ERBIN: variants seen among roughly 807,000 people sequenced by gnomAD.
The protein encoded by ERBIN is erbb2 interacting protein.
Under a neutral mutation model 158.4 loss-of-function variants are expected in ERBIN, and 60 were observed. The ratio of observed to expected loss-of-function variants is 0.38; its 90% confidence interval spans 0.31 to 0.47. The LOEUF is 0.47. ERBIN is among the 20% of genes least tolerant of loss of function. ERBIN has a pLI of 0.99. For missense variants in ERBIN, 1,610 were observed against 1,648.0 expected (o/e 0.98, Z 0.40); for synonymous variants, 594 against 557.2 (o/e 1.07, Z -0.93).
intron 22 of ERBIN, among the ~76,000 whole-genome samples, chr5:66,074,090 G>GTTT (rs1761769962): frequency 1.2e-5 from 1 of 80,218 alleles, no homozygotes; most frequent in Non-Finnish European, 2.4e-5. Context: ...GGGTCTTGCT[G>GTTT]TTTTGCCCAG....
At chr5:66,011,740 CAG>C (rs1321138325) in intron 4 of ERBIN, among the ~76,000 whole-genome samples, 3 of 151,754 alleles carry the variant, frequency 2.0e-5, no homozygotes, top group Admixed American at 6.6e-5. Context: ...GTGAGAGAAA[CAG>C]AAAGAATGTT....
chr5:65,992,305 C>T (rs1013598660), intron 2 of ERBIN, among the ~76,000 whole-genome samples: 7 of 152,116 alleles, frequency 4.6e-5, no homozygotes, highest in African/African-American at 1.4e-4. Context: ...GCCCACACCT[C>T]GCCCAGCTAA....
intron 21 of ERBIN, among the ~76,000 whole-genome samples, chr5:66,064,112 A>T (rs556219892): frequency 2.6e-5 from 4 of 152,244 alleles, no homozygotes; most frequent in Non-Finnish European, 4.4e-5. Context: ...TTGAAAGATA[A>T]AATGGTAATG....
At chr5:65,958,368 C>T (rs989723680) in intron 1 of ERBIN, among the ~76,000 whole-genome samples, 8 of 151,894 alleles carry the variant, frequency 5.3e-5, no homozygotes, top group Non-Finnish European at 1.2e-4. Flanking sequence ...TCTGCAATCC[C>T]GGCACCTCGG....
At chr5:65,993,148 GTTGTA>G (rs1188704840) in intron 3 of ERBIN, among the ~76,000 whole-genome samples, 5 of 152,062 alleles carry the variant, frequency 3.3e-5, no homozygotes, top group African/African-American at 4.8e-5. Context: ...TTTAATTTTA[GTTGTA>G]TTGTAGCCAT....
Position 66,018,473 on chromosome 5 carries a change from TTA to T in ERBIN, c.534-2843_534-2842del, listed in dbSNP as rs1164075493. Among the ~76,000 whole-genome samples the T allele has an allele frequency of 8.3e-3, 42 of 5,050 alleles. 9 individuals are homozygous for T. Among genetic ancestry groups the T allele is most frequent in the South Asian group, 0.015 (3 of 204 alleles). 3.3% of individuals were successfully genotyped at this position (5,050 alleles called of 152,430 possible). ...TATATATTATATTATATAATATATA[TTA>T]TATATTATATATTATATTATATAAT... On this transcript the variant is annotated intron_variant, in intron 7 of 25. Coordinates refer to ENST00000284037, the MANE Select transcript of ERBIN (RefSeq NM_001253697.2).
chr5:66,034,296 G>GTT (rs988150994), intron 14 of ERBIN, among the ~76,000 whole-genome samples: 1 of 145,742 alleles, frequency 6.9e-6, no homozygotes, highest in East Asian at 2.0e-4. Context: ...ACTCATAGCT[G>GTT]TTTTTTTTTT....
chr5:65,971,555 T>C (rs1216055829), intron 1 of ERBIN, among the ~76,000 whole-genome samples: 2 of 152,320 alleles, frequency 1.3e-5, no homozygotes, highest in South Asian at 2.1e-4. Flanking sequence ...TAGTTTCTTA[T>C]GGACACTCAA....
At chr5:65,967,855 G>A (rs189899985) in intron 1 of ERBIN, among the ~76,000 whole-genome samples, 50 of 152,248 alleles carry the variant, frequency 3.3e-4, no homozygotes, top group Middle Eastern at 3.4e-3. Flanking sequence ...AAATTCTTAC[G>A]TGGTTGCAGT....
At chr5:65,940,935 G>GGTA (rs1744925295) in intron 1 of ERBIN, among the ~76,000 whole-genome samples, 2 of 152,172 alleles carry the variant, frequency 1.3e-5, no homozygotes, top group South Asian at 4.1e-4. Flanking sequence ...TGTAGAAAGA[G>GGTA]GTAGACACGG....
chr5:65,983,763 C>G (rs985470643), intron 1 of ERBIN, among the ~76,000 whole-genome samples: 14 of 152,150 alleles, frequency 9.2e-5, no homozygotes, highest in Admixed American at 3.3e-4. Flanking sequence ...GCCATGGCCT[C>G]CAAAGCTTCT....
chr5:65,940,156 G>A (rs867801310), intron 1 of ERBIN, among the ~76,000 whole-genome samples: 5,116 of 149,444 alleles, frequency 0.034, 175 homozygotes, highest in African/African-American at 0.12. Context: ...GTCTCTGCCC[G>A]GCCGCCCATC....
At chr5:65,935,899 A>AT (rs1460610921) in intron 1 of ERBIN, among the ~76,000 whole-genome samples, 1 of 151,774 alleles carries the variant, frequency 6.6e-6, no homozygotes, top group African/African-American at 2.4e-5. Context: ...TAATTTTTCT[A>AT]TTTTTTATAG....
rs1307376621 is a variant in ERBIN at position 66,079,092 on chromosome 5, A to AT, written c.*566dup. 6.5e-6 allele frequency: 1 copy of AT among 152,734 alleles called. No individual in the cohort carries two copies. The highest frequency in any genetic ancestry group is 1.5e-5 in the Non-Finnish European group (1 of 68,136). The allele number at this position is 152,734 out of a possible 1,614,324, so 9.5% of individuals were successfully genotyped here. ...TTTCCAAGGCCAGACTAAAACAGTTATTTTCTATAAAAATCTGGAAGCAAA... is the reference window on the plus strand; with the variant it reads ...TTTCCAAGGCCAGACTAAAACAGTTATTTTTCTATAAAAATCTGGAAGCAAA... On this transcript the variant is annotated 3_prime_UTR_variant, in exon 26 of 26. Coordinates refer to ENST00000284037, the MANE Select transcript of ERBIN (RefSeq NM_001253697.2).
Position 66,046,420 on chromosome 5 carries a change from C to G in ERBIN, c.1670C>G (p.Ser557Cys), listed in dbSNP as rs62359566. The change falls in exon 18 of 26, where the codon TCT (serine) becomes TGT (cysteine). Residue 557 changes from serine (S) to cysteine (C), a missense_variant. Transcript: ENST00000284037. The part of the protein sequence containing the change: ...DEREKYMIGN[S>C]VQKISEPEAE... ...AGAGAAAAATATATGATAGGAAACTCTGTACAGAAGATCAGTGAACCTGAA... is the reference window on the plus strand; with the variant it reads ...AGAGAAAAATATATGATAGGAAACTGTGTACAGAAGATCAGTGAACCTGAA... The G allele has an allele frequency of 1.2e-6, 2 of 1,611,112 alleles. No homozygotes were observed. The highest frequency in any genetic ancestry group is 2.2e-5 in the South Asian group (2 of 90,666).
chr5:66,077,596 T>TA (rs869127687), intron 25 of ERBIN, among the ~76,000 whole-genome samples: 4 of 151,958 alleles, frequency 2.6e-5, no homozygotes, highest in Non-Finnish European at 5.9e-5. Flanking sequence ...TAAAACTAAT[T>TA]AAAAAAAATT....
chr5:65,934,363 A>C (rs1743820938), intron 1 of ERBIN, among the ~76,000 whole-genome samples: 1 of 152,216 alleles, frequency 6.6e-6, no homozygotes, highest in African/African-American at 2.4e-5. Flanking sequence ...CCAGTTTGGA[A>C]TCATGTGTTA....
At chr5:66,077,781 C>CACACACACACACAT (rs1206011630) in intron 25 of ERBIN, among the ~76,000 whole-genome samples, 1 of 129,934 alleles carries the variant, frequency 7.7e-6, no homozygotes, top group African/African-American at 3.0e-5. Flanking sequence ...CACACACACA[C>CACACACACACACAT]ACACACACAC....
chr5:66,007,546 TAA>T (rs34972803), intron 4 of ERBIN, among the ~76,000 whole-genome samples: 156 of 136,866 alleles, frequency 1.1e-3, no homozygotes, highest in Middle Eastern at 3.7e-3. Context: ...TAAAGTATAA[TAA>T]AAAAAAAAAA....
Sources: allele counts gnomAD v4.1 joint callset (sites outside exome capture counted in the v4.1 genomes callset), GRCh38; gene constraint gnomAD v4.1.1; transcripts MANE v1.5; gene names NCBI Gene and HGNC (gene_info 2026-07-23, HGNC 2026-07-21).